TMED10: variants seen among roughly 807,000 people sequenced by gnomAD.
TMED10 encodes transmembrane emp24 domain-containing protein 10.
TMED10 carries 7 observed loss-of-function variants against 23.1 expected under a neutral mutation model. That is an observed-to-expected ratio of 0.30 (90% CI 0.17 to 0.57). TMED10 has a LOEUF of 0.57. Among genes scored for constraint, TMED10 ranks in the 20% least tolerant of loss-of-function variants. The probability of loss-of-function intolerance (pLI) is 0.91; values close to 1 mark genes in which losing one functional copy is unlikely to be tolerated. For missense variants in TMED10, 162 were observed against 274.8 expected (o/e 0.59, Z 2.90); for synonymous variants, 113 against 106.9 (o/e 1.06, Z -0.35).
chr14:75,176,528 A>G lies in TMED10; in HGVS notation c.52T>C (p.Leu18=), dbSNP rs1231796513. The change falls in exon 1 of 5, where the codon TTG becomes CTG. Residue 18 remains leucine, a synonymous_variant. Transcript: ENST00000303575. ...GGGCCGAGCAGGAACAAAAGCAGCA[A>G]CGCTAACGGAAAAGGGCCGCGCCGG... ...PARRGPFPLA[L]LLLFLLGPRL... The G allele has an allele frequency of 3.1e-6, 5 of 1,614,174 alleles. No individual in the cohort carries two copies. In the South Asian group the frequency reaches 4.4e-5, roughly 14 times the overall value.
intron 1 of TMED10, among the ~76,000 whole-genome samples, chr14:75,152,446 T>G (rs555632101): frequency 1.3e-5 from 2 of 152,346 alleles, no homozygotes; most frequent in African/African-American, 2.4e-5. Context: ...TTGGATTTAT[T>G]GGCAAAAACT....
chr14:75,157,837 G>A (rs1057010037), intron 1 of TMED10, among the ~76,000 whole-genome samples: 3 of 151,996 alleles, frequency 2.0e-5, no homozygotes, highest in African/African-American at 7.3e-5. Flanking sequence ...CTACTCAGGA[G>A]GCCGAGGCAG....
intron 3 of TMED10, among the ~76,000 whole-genome samples, chr14:75,137,578 G>C (rs946538976): frequency 6.6e-6 from 1 of 150,668 alleles, no homozygotes; most frequent in African/African-American, 2.4e-5. Flanking sequence ...GGGAGGCTGC[G>C]GCAGGAGAAT....
intron 1 of TMED10, among the ~76,000 whole-genome samples, chr14:75,167,437 C>T (rs1441288766): frequency 6.6e-6 from 1 of 151,772 alleles, no homozygotes; most frequent in Non-Finnish European, 1.5e-5. Flanking sequence ...CGCCCCCACC[C>T]CCACCACTGT....
chr14:75,154,175 T>C (rs1416910288), intron 1 of TMED10, among the ~76,000 whole-genome samples: 4 of 146,134 alleles, frequency 2.7e-5, no homozygotes, highest in Non-Finnish European at 4.5e-5. Context: ...GTGGATCACC[T>C]GAGGTCAGGA....
intron 1 of TMED10, among the ~76,000 whole-genome samples, chr14:75,165,200 T>C (rs1182150453): frequency 1.3e-5 from 2 of 152,176 alleles, no homozygotes; most frequent in African/African-American, 4.8e-5. Context: ...TGGCTTTAGA[T>C]AGAAAAATAT....
intron 3 of TMED10, among the ~76,000 whole-genome samples, chr14:75,140,660 A>T (rs1409318132): frequency 6.6e-6 from 1 of 152,220 alleles, no homozygotes; most frequent in Non-Finnish European, 1.5e-5. Flanking sequence ...GTGAGCTGAG[A>T]TGGCACCGCT....
rs1488761193 is a variant in TMED10, at chr14:75,157,705, C to T, written c.226-5562G>A. Among the ~76,000 whole-genome samples the T allele has an allele frequency of 2.0e-5, 3 of 151,862 alleles. 1 individual carries two copies. The highest frequency in any genetic ancestry group is 7.3e-5 in the African/African-American group (3 of 41,296). On this transcript the variant is annotated intron_variant, in intron 1 of 4. Coordinates refer to ENST00000303575, the MANE Select transcript of TMED10 (RefSeq NM_006827.6). ...TGTAATCCCAGCACTTTTGGGAGGC[C>T]GAGGCGGGTGGATCACCTGAGGTCA...
intron 1 of TMED10, among the ~76,000 whole-genome samples, chr14:75,169,630 C>A (rs1454989041): frequency 6.6e-6 from 1 of 152,016 alleles, no homozygotes; most frequent in Non-Finnish European, 1.5e-5. Flanking sequence ...TGCACTCCAG[C>A]CTGGGCAAAA....
At chr14:75,143,462 C>G (rs1301391450) in intron 3 of TMED10, among the ~76,000 whole-genome samples, 3 of 152,180 alleles carry the variant, frequency 2.0e-5, no homozygotes, top group Admixed American at 2.0e-4. Flanking sequence ...AATCTAACCT[C>G]TAGGGAATCT....
At chr14:75,147,185 GTTTTTTTTTT>G (rs71119349) in intron 3 of TMED10, among the ~76,000 whole-genome samples, 3 of 116,632 alleles carry the variant, frequency 2.6e-5, no homozygotes, top group East Asian at 4.3e-4. Flanking sequence ...CTTCAAGGCT[GTTTTTTTTTT>G]TTTTTTTTTT....
chr14:75,149,423 T>G (rs566711981), intron 2 of TMED10, among the ~76,000 whole-genome samples: 1 of 152,314 alleles, frequency 6.6e-6, no homozygotes, highest in East Asian at 1.9e-4. Flanking sequence ...CCCTTGATCT[T>G]GGACTTTCCA....
At chr14:75,135,532 A>C in intron 4 of TMED10, 1 of 511,428 alleles carries the variant, frequency 2.0e-6, no homozygotes, top group Non-Finnish European at 3.4e-6. Context: ...TGATGTGGGT[A>C]TAGACTAATT....
intron 3 of TMED10, among the ~76,000 whole-genome samples, chr14:75,146,908 C>CAGAT (rs35810783): frequency 0.53 from 79,809 of 149,384 alleles, 21,871 homozygotes; most frequent in Non-Finnish European, 0.6. Context: ...ATCCATGCCC[C>CAGAT]AGATAGATAG....
At chr14:75,144,556 G>A (rs572239298) in intron 3 of TMED10, among the ~76,000 whole-genome samples, 2 of 152,310 alleles carry the variant, frequency 1.3e-5, no homozygotes, top group South Asian at 4.1e-4. Flanking sequence ...GGTAGGTAGT[G>A]TGGTACAATT....
chr14:75,163,052 C>G (rs1896103091), intron 1 of TMED10, among the ~76,000 whole-genome samples: 1 of 151,330 alleles, frequency 6.6e-6, no homozygotes, highest in African/African-American at 2.4e-5. Context: ...CTGGGCAACA[C>G]AGGAAGACCC....
chr14:75,176,237 C>T, intron 1 of TMED10, 118 bp downstream of exon 1: 1 of 1,303,248 alleles, frequency 7.7e-7, no homozygotes, highest in Non-Finnish European at 1.1e-6. Flanking sequence ...GTCCTTTGCG[C>T]TCCCGGGAGG....
At position 75,176,139 on chromosome 14, in the gene TMED10, C is replaced by T. The variant is rs1057092102; in HGVS notation, c.225+216G>A. On this transcript the variant is annotated intron_variant, in intron 1 of 4. Coordinates refer to ENST00000303575, the MANE Select transcript of TMED10 (RefSeq NM_006827.6). ...TGTCACCACATCCGCCAAAGCCTCG[C>T]AGCCCTTCTTGGGGTTCCCAGGCGT... 11 of 607,140 alleles carry T rather than the reference C, an allele frequency of 1.8e-5. No individual in the cohort carries two copies. In the South Asian group the frequency reaches 2.0e-4, roughly 11 times the overall value. 37.6% of individuals were successfully genotyped at this position (607,140 alleles called of 1,614,324 possible). A position where few individuals can be genotyped will look rare whatever the true frequency, so the allele number is the denominator to read the frequency against.
intron 3 of TMED10, among the ~76,000 whole-genome samples, chr14:75,138,187 T>G (rs1895776644): frequency 6.6e-6 from 1 of 152,234 alleles, no homozygotes; most frequent in African/African-American, 2.4e-5. Flanking sequence ...TCTTATTATA[T>G]TCTTCACTAA....
Sources: gnomAD v4.1 joint callset for allele counts (sites outside exome capture counted in the v4.1 genomes callset) on GRCh38, gnomAD v4.1.1 for gene constraint, MANE v1.5 for transcripts, NCBI Gene and HGNC (gene_info 2026-07-23, HGNC 2026-07-21) for gene names.